Variants in SLC12A2 observed in about 807,000 individuals in gnomAD.
The protein encoded by SLC12A2 is Na-K-2Cl cotransporter 1.
SLC12A2 carries 67 observed loss-of-function variants against 136.3 expected under a neutral mutation model. The observed-to-expected ratio is 0.49, with a 90% CI of 0.40 to 0.60. SLC12A2 has a LOEUF of 0.60. Among genes scored for constraint, SLC12A2 ranks in the 20% least tolerant of loss-of-function variants. The probability of loss-of-function intolerance (pLI) is 0.00; values close to 1 mark genes in which losing one functional copy is unlikely to be tolerated. For missense variants in SLC12A2, 1,322 were observed against 1,534.7 expected, an observed-to-expected ratio of 0.86 and a Z score of 2.32; for synonymous variants, 619 against 562.9, an observed-to-expected ratio of 1.10 and a Z score of -1.41.
Position 128,114,335 on chromosome 5 carries a change from G to T in SLC12A2, c.952+48G>T, listed in dbSNP as rs191057024. ...TGATTTGAGAATAAGCAAAATAACT[G>T]TGTCTGAGCTCTTAACCTCATGAAA... On this transcript the variant is annotated intron_variant, in intron 3 of 26. Transcript: ENST00000262461. 1,496 of 1,397,470 alleles carry T rather than the reference G, an allele frequency of 1.1e-3. 5 individuals carry two copies. The highest frequency in any genetic ancestry group is 1.2e-3 in the Non-Finnish European group (1,177 of 986,090). 86.6% of individuals were successfully genotyped at this position (1,397,470 alleles called of 1,614,324 possible). A position where few individuals can be genotyped will look rare whatever the true frequency, so the allele number is the denominator to read the frequency against.
chr5:128,150,614 T>G (rs1363957498), intron 13 of SLC12A2, among the ~76,000 whole-genome samples: 1 of 151,852 alleles, frequency 6.6e-6, no homozygotes, highest in African/African-American at 2.4e-5. Context: ...TTTAAATGTA[T>G]AAATTCTATT....
intron 17 of SLC12A2, 67 bp from the exon 18 acceptor site, chr5:128,167,694 T>C: frequency 9.8e-6 from 11 of 1,122,314 alleles, no homozygotes; most frequent in Non-Finnish European, 1.3e-6. Flanking sequence ...AGGACAGTTT[T>C]ATCACTTCAG....
chr5:128,126,863 G>A (rs1423622357), intron 4 of SLC12A2, among the ~76,000 whole-genome samples: 1 of 144,682 alleles, frequency 6.9e-6, no homozygotes, highest in African/African-American at 2.6e-5. Context: ...CTAAATGGAT[G>A]GTGAATTTTG....
intron 10 of SLC12A2, among the ~76,000 whole-genome samples, chr5:128,143,583 G>A (rs1347496466): frequency 6.6e-6 from 1 of 152,074 alleles, no homozygotes; most frequent in Non-Finnish European, 1.5e-5. Flanking sequence ...TATATAAGGG[G>A]AAAATAAATT....
intron 4 of SLC12A2, among the ~76,000 whole-genome samples, chr5:128,120,337 G>GGGTAGAT (rs1332007659): frequency 8.4e-6 from 1 of 118,686 alleles, no homozygotes; most frequent in Admixed American, 9.8e-5. Context: ...AATACCATTT[G>GGGTAGAT]ACCCAGCCAT....
At chr5:128,135,429 G>A (rs1762153815) in intron 6 of SLC12A2, among the ~76,000 whole-genome samples, 1 of 151,982 alleles carries the variant, frequency 6.6e-6, no homozygotes, top group African/African-American at 2.4e-5. Flanking sequence ...TTTGTGGGAA[G>A]GCATGCACAT....
intron 4 of SLC12A2, among the ~76,000 whole-genome samples, chr5:128,115,010 A>G (rs1050728473): frequency 2.0e-5 from 3 of 152,196 alleles, no homozygotes; most frequent in African/African-American, 2.4e-5. Flanking sequence ...CATTTGTTCA[A>G]CATTGTATTG....
At chr5:128,100,683 G>T (rs1283614788) in intron 1 of SLC12A2, among the ~76,000 whole-genome samples, 1 of 151,984 alleles carries the variant, frequency 6.6e-6, no homozygotes, top group African/African-American at 2.4e-5. Context: ...TGCTTTTCCA[G>T]TGTTTTACCC....
chr5:128,129,569 A>G (rs1316435213), intron 4 of SLC12A2, among the ~76,000 whole-genome samples: 1 of 152,100 alleles, frequency 6.6e-6, no homozygotes, highest in Non-Finnish European at 1.5e-5. Context: ...ATTGATAGGA[A>G]TCAACTAGAA....
chr5:128,083,867 G>A lies in SLC12A2; in HGVS notation c.-88G>A. ...AAAGACTCTCTCACCTGGTCTTGCG[G>A]CTGTGGCCACCGCCGGCCAGGGGTG... On this transcript the variant is annotated 5_prime_UTR_variant, in exon 1 of 27. Transcript: ENST00000262461. The A allele has an allele frequency of 3.0e-6, 3 of 1,012,580 alleles. No homozygotes were observed. The East Asian group carries it at 1.0e-4, about 35-fold the overall frequency. The allele number at this position is 1,012,580 out of a possible 1,614,324, so 62.7% of individuals were successfully genotyped here.
In SLC12A2 at chr5:128,187,128, G is replaced by C. The variant is rs1763894163; in HGVS notation, c.*497G>C. On this transcript the variant is annotated 3_prime_UTR_variant, in exon 27 of 27. Coordinates refer to ENST00000262461, the MANE Select transcript of SLC12A2 (RefSeq NM_001046.3). Reference sequence around the variant, plus strand: ...CCATTTAGTGTTGAGTACTGTATGTGTTTTGTTAATTCTATAAAGGTATCT... The same window carrying C: ...CCATTTAGTGTTGAGTACTGTATGTCTTTTGTTAATTCTATAAAGGTATCT... 6.5e-6 allele frequency: 1 copy of C among 153,454 alleles called. No homozygotes were observed. The highest frequency in any genetic ancestry group is 6.5e-5 in the Admixed American group (1 of 15,484). The allele number at this position is 153,454 out of a possible 1,614,324, so 9.5% of individuals were successfully genotyped here.
chr5:128,115,308 A>G (rs192381034), intron 4 of SLC12A2, among the ~76,000 whole-genome samples: 4 of 152,248 alleles, frequency 2.6e-5, no homozygotes, highest in African/African-American at 9.6e-5. Context: ...TATTTTTAGT[A>G]GAGATGGCGT....
Position 128,105,733 on chromosome 5 carries a change from C to T in SLC12A2, c.757-7081C>T, listed in dbSNP as rs571503486. Among the ~76,000 whole-genome samples, 4 of 152,248 alleles carry T rather than the reference C, an allele frequency of 2.6e-5. No individual in the cohort carries two copies. The East Asian group carries it at 7.7e-4, about 29-fold the overall frequency. ...TAAAAATTATCCTTTTCTCTACATC[C>T]TGCAAGGAAGTAATGATGATGGAGA... On this transcript the variant is annotated intron_variant, in intron 1 of 26. Transcript: ENST00000262461.
intron 19 of SLC12A2, 166 bp downstream of exon 19, chr5:128,171,912 T>A: frequency 2.1e-6 from 1 of 485,964 alleles, no homozygotes; most frequent in Non-Finnish European, 3.6e-6. Context: ...CTAAAGTTTG[T>A]GTTTTCTCGT....
chr5:128,136,016 C>G (rs956282661), intron 7 of SLC12A2, among the ~76,000 whole-genome samples: 5 of 151,928 alleles, frequency 3.3e-5, no homozygotes, highest in Non-Finnish European at 7.4e-5. Flanking sequence ...TCATTATTAG[C>G]AACAAAAGGT....
chr5:128,116,803 A>G (rs1316771190), intron 4 of SLC12A2, among the ~76,000 whole-genome samples: 1 of 152,208 alleles, frequency 6.6e-6, no homozygotes, highest in Non-Finnish European at 1.5e-5. Flanking sequence ...GAGCTGCATC[A>G]TCTGCAATTA....
chr5:128,088,854 A>T lies in SLC12A2; in HGVS notation c.756+4144A>T, dbSNP rs113878833. ...ATAGGTCTTATACACATTTTACTCA[A>T]GATGAAATGAGCTAATAGAAACAGA... On this transcript the variant is annotated intron_variant, in intron 1 of 26. Coordinates refer to ENST00000262461, the MANE Select transcript of SLC12A2 (RefSeq NM_001046.3). Among the ~76,000 whole-genome samples, 1,515 of 152,276 alleles carry T rather than the reference A, an allele frequency of 9.9e-3. 34 individuals carry two copies. Among genetic ancestry groups the T allele is most frequent in the African/African-American group, 0.034 (1,409 of 41,552 alleles).
chr5:128,109,789 G>A (rs759855665), intron 1 of SLC12A2: 47 of 816,024 alleles, frequency 5.8e-5, no homozygotes, highest in African/African-American at 5.0e-4. Flanking sequence ...GATACAGAAT[G>A]TGTGCAGGCT....
chr5:128,113,347 G>A lies in SLC12A2; in HGVS notation c.876+414G>A, dbSNP rs140005949. ...TTTCACATTCCCCCCATTATATTTC[G>A]AAGAGAAGCGTATGGAAGTTAACAA... On this transcript the variant is annotated intron_variant, in intron 2 of 26. Transcript: ENST00000262461. 9.0e-3 allele frequency among the ~76,000 whole-genome samples: 1,376 copies of A among 152,222 alleles called. 22 individuals carry two copies. Among genetic ancestry groups the A allele is most frequent in the African/African-American group, 0.029 (1,189 of 41,516 alleles).
Sources: gnomAD v4.1 joint callset for allele counts (sites outside exome capture counted in the v4.1 genomes callset) on GRCh38, gnomAD v4.1.1 for gene constraint, MANE v1.5 for transcripts, NCBI Gene and HGNC (gene_info 2026-07-23, HGNC 2026-07-21) for gene names.